Variants in REV3L observed in about 807,000 individuals in gnomAD.
REV3L encodes the protein REV3 like, DNA directed polymerase zeta catalytic subunit.
A neutral mutation model predicts 299.4 loss-of-function variants in REV3L; 69 were observed. The observed-to-expected ratio is 0.23, with a 90% CI of 0.19 to 0.28. REV3L has a LOEUF of 0.28. Among genes scored for constraint, REV3L ranks in the 10% least tolerant of loss-of-function variants. The probability of loss-of-function intolerance (pLI) is 1.00; values close to 1 mark genes in which losing one functional copy is unlikely to be tolerated. For missense variants in REV3L, 3,128 were observed against 3,693.8 expected, an observed-to-expected ratio of 0.85 and a Z score of 3.97; for synonymous variants, 1,238 against 1,271.4, an observed-to-expected ratio of 0.97 and a Z score of 0.56.
intron 1 of REV3L, chr6:111,430,620 G>A: frequency 6.6e-7 from 1 of 1,525,556 alleles, no homozygotes; most frequent in Middle Eastern, 1.9e-4. Context: ...CTCGCAGAGT[G>A]GGGAGGACAG....
intron 25 of REV3L, among the ~76,000 whole-genome samples, chr6:111,325,419 C>A (rs985414282): frequency 4.2e-4 from 64 of 152,268 alleles, no homozygotes; most frequent in African/African-American, 1.5e-3. Context: ...GGAATTTTTG[C>A]TTACCAAGTC....
At chr6:111,303,069 T>C (rs1771761842) in intron 31 of REV3L, among the ~76,000 whole-genome samples, 1 of 152,158 alleles carries the variant, frequency 6.6e-6, no homozygotes, top group Non-Finnish European at 1.5e-5. Context: ...ATCACTTTTT[T>C]TTTTAGTTTG....
Position 111,374,442 on chromosome 6 carries a change from A to G in REV3L, c.3913T>C (p.Ser1305Pro). The G allele has an allele frequency of 6.2e-7, 1 of 1,613,992 alleles. No individual in the cohort carries two copies. Among genetic ancestry groups the G allele is most frequent in the Non-Finnish European group, 8.5e-7 (1 of 1,179,934 alleles). ...CTGGGGAATGTCTGCAAATCTACAG[A>G]CTTCTTGCTTTCTAAGAAAGAAGAA... is the stretch of plus-strand genomic sequence containing the variant. ...CFSSFLESKKSVDLQTFPSSR... is the reference protein window; with the variant it reads ...CFSSFLESKKPVDLQTFPSSR... The change falls in exon 13 of 32, where the codon TCT becomes CCT. Residue 1305 changes from serine to proline, a missense_variant. Around this residue, in one of 9 missense-constraint regions of REV3L, gnomAD observed 2,409 missense variants for 2,611.8 expected, o/e 0.92. Transcript: ENST00000368802.
At chr6:111,464,653 C>A (rs891017550) in intron 1 of REV3L, among the ~76,000 whole-genome samples, 14 of 152,074 alleles carry the variant, frequency 9.2e-5, no homozygotes, top group African/African-American at 3.4e-4. Flanking sequence ...ATTTAAAAAA[C>A]TACATTTTGG....
chr6:111,453,237 G>A (rs1230892384), intron 1 of REV3L, among the ~76,000 whole-genome samples: 3 of 152,066 alleles, frequency 2.0e-5, no homozygotes, highest in Non-Finnish European at 2.9e-5. Context: ...ATTTTAAACT[G>A]TTTCCAGATA....
intron 1 of REV3L, among the ~76,000 whole-genome samples, chr6:111,457,355 A>T (rs1213522929): frequency 5.3e-5 from 8 of 152,058 alleles, no homozygotes; most frequent in Non-Finnish European, 5.9e-5. Flanking sequence ...GAAAACTAAA[A>T]ACATAGCTTA....
At chr6:111,437,707 C>A (rs1444799459) in intron 1 of REV3L, among the ~76,000 whole-genome samples, 1 of 152,072 alleles carries the variant, frequency 6.6e-6, no homozygotes, top group Non-Finnish European at 1.5e-5. Flanking sequence ...GAAATGAGTA[C>A]TGACTGCTAT....
Position 111,408,881 on chromosome 6 carries a change from C to T in REV3L, c.404+2599G>A, listed in dbSNP as rs1192565565. Among the ~76,000 whole-genome samples the T allele has an allele frequency of 1.3e-5, 2 of 152,100 alleles. 1 individual carries two copies. The highest frequency in any genetic ancestry group is 4.2e-4 in the South Asian group (2 of 4,818). ...GTATTTTTTGGTAGAGATGGGGTTT[C>T]ATCATGCTGGCCAGGCTTGTCTCAA... On this transcript the variant is annotated intron_variant, in intron 3 of 31. Coordinates refer to ENST00000368802, the MANE Select transcript of REV3L (RefSeq NM_001372078.1).
intron 1 of REV3L, among the ~76,000 whole-genome samples, chr6:111,451,451 A>G (rs1297603054): frequency 6.6e-6 from 1 of 152,180 alleles, no homozygotes; most frequent in Non-Finnish European, 1.5e-5. Flanking sequence ...GAGAACTTTT[A>G]GGTGCACTTT....
At chr6:111,360,451 T>A (rs1778533162) in intron 16 of REV3L, among the ~76,000 whole-genome samples, 1 of 151,680 alleles carries the variant, frequency 6.6e-6, no homozygotes, top group Non-Finnish European at 1.5e-5. Flanking sequence ...ATGTGCTCAT[T>A]GTAAATTTGT....
At chr6:111,343,829 C>T in intron 21 of REV3L, 96 bp downstream of exon 21, 1 of 883,732 alleles carries the variant, frequency 1.1e-6, no homozygotes, top group Non-Finnish European at 1.7e-6. Flanking sequence ...CGCAACTGGC[C>T]TGAACAATAC....
rs965076655 is a variant in REV3L, at chr6:111,483,130, G to A, written c.-242C>T. Reference sequence around the variant, plus strand: ...AAGCCCTCGAGCTTTCGTCGGTGCTGGTGCTGCCGCCACTGCCGCCACCGC... The same window carrying A: ...AAGCCCTCGAGCTTTCGTCGGTGCTAGTGCTGCCGCCACTGCCGCCACCGC... On this transcript the variant is annotated 5_prime_UTR_variant, in exon 1 of 32. Transcript: ENST00000368802. 2.0e-6 allele frequency: 1 copy of A among 498,314 alleles called. No homozygotes were observed. The highest frequency in any genetic ancestry group is 4.3e-5 in the Admixed American group (1 of 23,054). 30.9% of individuals were successfully genotyped at this position (498,314 alleles called of 1,614,324 possible). A position where few individuals can be genotyped will look rare whatever the true frequency, so the allele number is the denominator to read the frequency against.
At position 111,387,850 on chromosome 6, in the gene REV3L, C is replaced by CA; in HGVS notation, c.1010dup (p.Leu337PhefsTer4). ...TTTCAGGAGACAGAACCTCAGAGTG[C>CA]AATGTTAACTCAGCAGAGAACTCCT... On this transcript the variant is annotated frameshift_variant, in exon 9 of 32. Transcript: ENST00000368802. LOFTEE classifies it high-confidence loss of function. The CA allele has an allele frequency of 6.2e-7, 1 of 1,613,774 alleles. No individual in the cohort carries two copies. Among genetic ancestry groups the CA allele is most frequent in the Non-Finnish European group, 8.5e-7 (1 of 1,179,758 alleles).
chr6:111,378,706 A>G (rs1780545587), intron 11 of REV3L, among the ~76,000 whole-genome samples: 2 of 152,172 alleles, frequency 1.3e-5, no homozygotes, highest in African/African-American at 2.4e-5. Context: ...AACTCTTTCA[A>G]CTTCCATACA....
intron 4 of REV3L, among the ~76,000 whole-genome samples, chr6:111,402,696 A>T (rs1783215222): frequency 6.6e-6 from 1 of 152,154 alleles, no homozygotes; most frequent in Non-Finnish European, 1.5e-5. Context: ...AAATGCGAGG[A>T]GTTAAACCAA....
At chr6:111,303,766 C>CTGGA (rs1476522091) in intron 31 of REV3L, among the ~76,000 whole-genome samples, 1 of 119,424 alleles carries the variant, frequency 8.4e-6, no homozygotes, top group East Asian at 2.8e-4. Flanking sequence ...GTCACCCAGG[C>CTGGA]TGGAGTTCAG....
chr6:111,409,146 T>C (rs1164373024), intron 3 of REV3L, among the ~76,000 whole-genome samples: 1 of 152,218 alleles, frequency 6.6e-6, no homozygotes, highest in African/African-American at 2.4e-5. Context: ...TACATCAGCT[T>C]CTGTTCAATC....
chr6:111,482,719 C>G, intron 1 of REV3L, 31 bp downstream of exon 1: 2 of 1,263,718 alleles, frequency 1.6e-6, no homozygotes, highest in East Asian at 3.4e-5. Context: ...CGCCGACTCC[C>G]GCTCCCGCCC....
chr6:111,374,173 C>A lies in REV3L; in HGVS notation c.4182G>T (p.Leu1394Phe), dbSNP rs1189247076. The change falls in exon 13 of 32, where the codon TTG becomes TTT. Residue 1394 changes from leucine (L) to phenylalanine (F), a missense_variant. Coordinates refer to ENST00000368802, the MANE Select transcript of REV3L (RefSeq NM_001372078.1). ...DNANNIQRNY[L>F]SSIGKLSEYR... Reference sequence around the variant, plus strand: ...ATTCACTTAACTTTCCGATTGATGACAAATAGTTTCTTTGTATATTATTTG... The same window carrying A: ...ATTCACTTAACTTTCCGATTGATGAAAAATAGTTTCTTTGTATATTATTTG... 3.7e-6 allele frequency: 6 copies of A among 1,614,016 alleles called. 1 individual carries two copies. The Admixed American group carries it at 5.0e-5, about 13-fold the overall frequency.
Sources: allele counts gnomAD v4.1 joint callset (sites outside exome capture counted in the v4.1 genomes callset), GRCh38; gene constraint gnomAD v4.1.1; regional missense constraint gnomAD v4.1.1; transcripts MANE v1.5; gene names NCBI Gene and HGNC (gene_info 2026-07-23, HGNC 2026-07-21).